Variants in ELL2 observed in about 807,000 individuals in gnomAD.
ELL2 encodes the protein elongation factor for RNA polymerase II 2.
ELL2 carries 21 observed loss-of-function variants against 72.8 expected under a neutral mutation model. The ratio of observed to expected loss-of-function variants is 0.29; its 90% CI spans 0.20 to 0.42. ELL2 has a LOEUF of 0.42. ELL2 is among the 10% of genes least tolerant of loss of function. The pLI is 1.00. For synonymous variants in ELL2, 266 were observed against 283.2 expected (o/e 0.94, Z 0.61); for missense variants, 568 against 772.8 (o/e 0.73, Z 3.14).
intron 3 of ELL2, 87 bp downstream of exon 3, chr5:95,919,337 G>A: frequency 7.0e-7 from 1 of 1,433,222 alleles, no homozygotes; most frequent in Non-Finnish European, 9.3e-7. Flanking sequence ...GTTTATGGAT[G>A]AATATTATGT....
chr5:95,897,372 G>A (rs1748914423), intron 8 of ELL2, among the ~76,000 whole-genome samples: 1 of 150,808 alleles, frequency 6.6e-6, no homozygotes, highest in South Asian at 2.1e-4. Flanking sequence ...TGGCAGCAAT[G>A]CCAAATGGTG....
rs189736677 is a variant in ELL2 at position 95,911,872 on chromosome 5, C to T, written c.481+1899G>A. On this transcript the variant is annotated intron_variant, in intron 4 of 11. Transcript: ENST00000237853. ...CTGCTGTGACGGTGAGTGGCTAGGACACTGAGGACAAAGCAAAGAGGAAAA... is the reference window on the plus strand; with the variant it reads ...CTGCTGTGACGGTGAGTGGCTAGGATACTGAGGACAAAGCAAAGAGGAAAA... Among the ~76,000 whole-genome samples, 3 of 152,256 alleles carry T rather than the reference C, an allele frequency of 2.0e-5. No individual in the cohort carries two copies. In the East Asian group the frequency reaches 5.8e-4, roughly 29 times the overall value.
rs575715934 is a variant in ELL2, at chr5:95,940,168, C to T, written c.195+2834G>A. Among the ~76,000 whole-genome samples the T allele has an allele frequency of 5.9e-5, 9 of 152,228 alleles. No individual in the cohort carries two copies. In the East Asian group the frequency reaches 1.7e-3, roughly 29 times the overall value. On this transcript the variant is annotated intron_variant, in intron 2 of 11. Coordinates refer to ENST00000237853, the MANE Select transcript of ELL2 (RefSeq NM_012081.6). ...ATCTAATTTTCTGAGCACCTTTTTC[C>T]ATTAAGGAACAGGGGTAAAATGAAC...
intron 1 of ELL2, among the ~76,000 whole-genome samples, chr5:95,943,984 T>C (rs893222878): frequency 1.3e-5 from 2 of 152,228 alleles, no homozygotes; most frequent in Non-Finnish European, 2.9e-5. Flanking sequence ...TTAATGGTAG[T>C]ACATCAGCCT....
rs1751873697 is a variant in ELL2 at position 95,961,777 on chromosome 5, G to C, written c.-56C>G. 6.6e-7 allele frequency: 1 copy of C among 1,509,634 alleles called. No individual in the cohort carries two copies. Among genetic ancestry groups the C allele is most frequent in the Admixed American group, 2.3e-5 (1 of 43,684 alleles). 93.5% of individuals were successfully genotyped at this position (1,509,634 alleles called of 1,614,324 possible). A position where few individuals can be genotyped will look rare whatever the true frequency, so the allele number is the denominator to read the frequency against. On this transcript the variant is annotated 5_prime_UTR_variant, in exon 1 of 12. Coordinates refer to ENST00000237853, the MANE Select transcript of ELL2 (RefSeq NM_012081.6). ...CCGCTCCGGCTCTAGCCTCCACTGC[G>C]GCCGCGGCTGCTTGGGCTTCTGCAG... is the stretch of plus-strand genomic sequence containing the variant.
intron 9 of ELL2, among the ~76,000 whole-genome samples, chr5:95,894,541 CCCTT>C (rs1748795167): frequency 6.6e-6 from 1 of 152,180 alleles, no homozygotes; most frequent in South Asian, 2.1e-4. Context: ...AGACAACTGA[CCCTT>C]CCTGGGCCAA....
At chr5:95,940,838 A>C (rs1750941535) in intron 2 of ELL2, among the ~76,000 whole-genome samples, 1 of 152,118 alleles carries the variant, frequency 6.6e-6, no homozygotes, top group South Asian at 2.1e-4. Context: ...AAAACAGAGG[A>C]GCAGTGTACA....
chr5:95,943,101 T>A (rs757390319), intron 1 of ELL2, 52 bp from the exon 2 acceptor site: 1 of 1,476,470 alleles, frequency 6.8e-7, no homozygotes, highest in Admixed American at 1.9e-5. Flanking sequence ...TACTGTGACA[T>A]AGAACTAAAT....
intron 2 of ELL2, among the ~76,000 whole-genome samples, chr5:95,924,050 C>A (rs928008234): frequency 6.6e-6 from 1 of 152,126 alleles, no homozygotes; most frequent in Admixed American, 6.6e-5. Context: ...GAGAGGGAAG[C>A]TTTAGAACTA....
intron 5 of ELL2, among the ~76,000 whole-genome samples, chr5:95,906,031 A>T (rs547648021): frequency 3.9e-5 from 6 of 152,200 alleles, no homozygotes; most frequent in Non-Finnish European, 8.8e-5. Flanking sequence ...ATGCAGACAA[A>T]TGACTGATCT....
intron 10 of ELL2, among the ~76,000 whole-genome samples, chr5:95,889,439 C>A (rs769805116): frequency 6.6e-6 from 1 of 152,094 alleles, no homozygotes; most frequent in Admixed American, 6.5e-5. Context: ...TCAATCTATA[C>A]AAAGGATACT....
chr5:95,961,556 T>G lies in ELL2; in HGVS notation c.147+19A>C. The G allele has an allele frequency of 6.4e-7, 1 of 1,563,616 alleles. No individual in the cohort carries two copies. Among genetic ancestry groups the G allele is most frequent in the East Asian group, 2.5e-5 (1 of 39,994 alleles). On this transcript the variant is annotated intron_variant, in intron 1 of 11. Transcript: ENST00000237853. ...GCGCTCTGCCTCTCTGAGCCCAGCC[T>G]GCCGGCCGGCCCGCTCACCTTGTGG...
At chr5:95,931,977 T>TG (rs1750618004) in intron 2 of ELL2, among the ~76,000 whole-genome samples, 2 of 130,474 alleles carry the variant, frequency 1.5e-5, no homozygotes, top group South Asian at 4.9e-4. Context: ...TCTGTGGGGG[T>TG]GTTTTTTTTT....
Position 95,927,422 on chromosome 5 carries a change from CAT to C in ELL2, c.196-7879_196-7878del, listed in dbSNP as rs1359705314. ...ACATACACACACGTGTGTATATAGA[CAT>C]ACACACACACGTGTGTATATAGACA... On this transcript the variant is annotated intron_variant, in intron 2 of 11. Transcript: ENST00000237853. Among the ~76,000 whole-genome samples, 63 of 40,966 alleles carry C rather than the reference CAT, an allele frequency of 1.5e-3. 16 individuals carry two copies. Among genetic ancestry groups the C allele is most frequent in the African/African-American group, 0.01 (38 of 3,764 alleles). 26.9% of individuals were successfully genotyped at this position (40,966 alleles called of 152,430 possible).
intron 3 of ELL2, among the ~76,000 whole-genome samples, chr5:95,915,560 TGTG>T (rs1749759109): frequency 6.6e-6 from 1 of 152,210 alleles, no homozygotes; most frequent in Admixed American, 6.5e-5. Context: ...AACTAACAGT[TGTG>T]GTCCCTCTTT....
rs774714826 is a variant in ELL2, at chr5:95,913,877, A to G, written c.375T>C (p.Cys125=). The change falls in exon 4 of 12, where the codon TGT becomes TGC. Residue 125 remains cysteine (C), a synonymous_variant. Transcript: ENST00000237853. ...LGFIQDKITV[C]ATNDSYQMTR... is the part of the protein sequence containing the mutation. The stretch of plus-strand genomic sequence containing the variant: ...TCATCTGATACGAGTCGTTTGTTGC[A>G]CACACTGTAATTTTATCTTGTATAA... 5 of 1,613,340 alleles carry G rather than the reference A, an allele frequency of 3.1e-6. No individual in the cohort carries two copies. The Admixed American group carries it at 8.4e-5, about 27-fold the overall frequency.
intron 2 of ELL2, among the ~76,000 whole-genome samples, chr5:95,937,975 A>C (rs1007568433): frequency 6.6e-6 from 1 of 152,224 alleles, no homozygotes; most frequent in Non-Finnish European, 1.5e-5. Flanking sequence ...CCAGGAACCA[A>C]GTAGGGTAGG....
At chr5:95,933,538 A>C (rs974223647) in intron 2 of ELL2, among the ~76,000 whole-genome samples, 1 of 152,200 alleles carries the variant, frequency 6.6e-6, no homozygotes, top group Admixed American at 6.5e-5. Context: ...TTAAGCCTGC[A>C]ATTTTAAAAA....
At chr5:95,928,247 G>A (rs1209240692) in intron 2 of ELL2, among the ~76,000 whole-genome samples, 1 of 152,186 alleles carries the variant, frequency 6.6e-6, no homozygotes, top group Admixed American at 6.5e-5. Context: ...GGTTTTGGAA[G>A]AGAAGTGAGA....
Sources: gnomAD v4.1 joint callset for allele counts (sites outside exome capture counted in the v4.1 genomes callset) on GRCh38, gnomAD v4.1.1 for gene constraint, MANE v1.5 for transcripts, NCBI Gene and HGNC (gene_info 2026-07-23, HGNC 2026-07-21) for gene names.